Variants in DPH6 observed in about 807,000 individuals in gnomAD.
DPH6 encodes diphthine--ammonia ligase.
Under a neutral mutation model 38.2 loss-of-function variants are expected in DPH6, and 33 were observed. The ratio of observed to expected loss-of-function variants is 0.86; its 90% CI spans 0.65 to 1.15. DPH6 has a LOEUF of 1.15. DPH6 is among the 50% of genes most tolerant of loss of function. The pLI, the probability that DPH6 is intolerant of heterozygous loss-of-function variation, is 0.00. For missense variants in DPH6, 325 were observed against 320.0 expected (o/e 1.02, Z -0.12); for synonymous variants, 108 against 103.0 (o/e 1.05, Z -0.30).
intron 3 of DPH6, among the ~76,000 whole-genome samples, chr15:35,311,199 C>T (rs2052139230): frequency 6.6e-6 from 1 of 152,038 alleles, no homozygotes; most frequent in Non-Finnish European, 1.5e-5. Context: ...ATACGTAGTA[C>T]TCAATAAACA....
chr15:35,339,293 T>G (rs2052402039), intron 3 of DPH6, among the ~76,000 whole-genome samples: 1 of 151,296 alleles, frequency 6.6e-6, no homozygotes, highest in South Asian at 2.1e-4. Flanking sequence ...TCAAAGAACT[T>G]CTTCATTTCT....
chr15:35,524,932 A>T (rs1483436976), intron 3 of DPH6, among the ~76,000 whole-genome samples: 1 of 152,158 alleles, frequency 6.6e-6, no homozygotes, highest in Non-Finnish European at 1.5e-5. Context: ...TCTCCCTTGG[A>T]TTACCATAAA....
the DPH6 span, among the ~76,000 whole-genome samples, chr15:35,182,063 T>G: frequency 9.2e-5 from 14 of 152,116 alleles, no homozygotes; most frequent in African/African-American, 3.1e-4. Flanking sequence ...TGTATTGGTT[T>G]TGTAGGTTTG....
intron 6 of DPH6, among the ~76,000 whole-genome samples, chr15:35,408,561 C>T (rs748658046): frequency 1.3e-5 from 2 of 151,836 alleles, no homozygotes; most frequent in Non-Finnish European, 2.9e-5. Flanking sequence ...GTCAAGTGAG[C>T]AACTGAGATT....
chr15:35,387,906 T>A (rs989685153), intron 6 of DPH6, among the ~76,000 whole-genome samples: 3 of 152,180 alleles, frequency 2.0e-5, no homozygotes, highest in African/African-American at 7.2e-5. Context: ...AGAGAGGGCA[T>A]CCCTGTCTTG....
intron 3 of DPH6, among the ~76,000 whole-genome samples, chr15:35,319,399 C>A (rs1173422915): frequency 6.6e-6 from 1 of 151,910 alleles, no homozygotes; most frequent in Non-Finnish European, 1.5e-5. Flanking sequence ...TATGTCTCAT[C>A]CCTTTCCAAA....
At chr15:35,480,590 T>C (rs1197298840) in intron 3 of DPH6, among the ~76,000 whole-genome samples, 10 of 152,066 alleles carry the variant, frequency 6.6e-5, no homozygotes, top group African/African-American at 2.4e-4. Context: ...TTTTTATCCA[T>C]GAATAAAATG....
At chr15:35,407,864 C>G (rs1206888347) in intron 6 of DPH6, among the ~76,000 whole-genome samples, 1 of 151,978 alleles carries the variant, frequency 6.6e-6, no homozygotes, top group African/African-American at 2.4e-5. Flanking sequence ...CAGGGTCTCA[C>G]AAGTTGTGAC....
intron 6 of DPH6, among the ~76,000 whole-genome samples, chr15:35,387,759 T>A (rs2056115772): frequency 6.6e-6 from 1 of 152,178 alleles, no homozygotes; most frequent in African/African-American, 2.4e-5. Context: ...CGATGGGGTT[T>A]TCTAGATATA....
intron 3 of DPH6, among the ~76,000 whole-genome samples, chr15:35,264,793 A>G (rs72708909): frequency 0.038 from 5,825 of 152,300 alleles, 335 homozygotes; most frequent in African/African-American, 0.13. Flanking sequence ...TATGACATAG[A>G]ACTATAATTG....
intron 3 of DPH6, chr15:35,237,070 C>A (rs938100022): frequency 2.6e-5 from 13 of 499,126 alleles, no homozygotes; most frequent in African/African-American, 2.5e-4. Context: ...AATGCATGCA[C>A]ATAGGCATTG....
chr15:35,176,955 C>T, the DPH6 span, among the ~76,000 whole-genome samples: 10 of 152,266 alleles, frequency 6.6e-5, no homozygotes, highest in East Asian at 1.9e-4. Context: ...TAGCAGCGTA[C>T]GGCATCTGAT....
At chr15:35,159,762 A>G in the DPH6 span, among the ~76,000 whole-genome samples, 4 of 152,004 alleles carry the variant, frequency 2.6e-5, no homozygotes, top group Non-Finnish European at 5.9e-5. Flanking sequence ...CTGTATGCTC[A>G]TCCAGCACTA....
At chr15:35,226,481 A>G (rs2051482685) in intron 3 of DPH6, among the ~76,000 whole-genome samples, 1 of 152,262 alleles carries the variant, frequency 6.6e-6, no homozygotes, top group South Asian at 2.1e-4. Flanking sequence ...AGTTGTATGG[A>G]AAGCCTTATT....
intron 3 of DPH6, among the ~76,000 whole-genome samples, chr15:35,261,144 T>C (rs954615202): frequency 3.3e-5 from 5 of 152,350 alleles, no homozygotes; most frequent in Admixed American, 3.3e-4. Flanking sequence ...CTTCGTTCTT[T>C]AATGAGATGC....
At chr15:35,493,342 C>T (rs751304628) in intron 3 of DPH6, among the ~76,000 whole-genome samples, 1 of 152,132 alleles carries the variant, frequency 6.6e-6, no homozygotes, top group Non-Finnish European at 1.5e-5. Flanking sequence ...CGTAGGCTAA[C>T]TACTGAGCTA....
At chr15:35,309,789 T>C (rs778036254) in intron 3 of DPH6, among the ~76,000 whole-genome samples, 29 of 152,178 alleles carry the variant, frequency 1.9e-4, no homozygotes, top group Non-Finnish European at 1.2e-4. Context: ...AAAAGACATA[T>C]TTTTTGGTAA....
At chr15:35,195,776 T>C in the DPH6 span, among the ~76,000 whole-genome samples, 1 of 152,162 alleles carries the variant, frequency 6.6e-6, no homozygotes, top group East Asian at 1.9e-4. Context: ...CCTGCTCTGC[T>C]CTGACTGGTT....
At chr15:35,404,284 G>GT (rs1034515484) in intron 6 of DPH6, among the ~76,000 whole-genome samples, 2 of 151,992 alleles carry the variant, frequency 1.3e-5, no homozygotes, top group East Asian at 1.9e-4. Context: ...CTATTTTTTA[G>GT]TTTTTTGAGG....
Sources: allele counts gnomAD v4.1 joint callset (sites outside exome capture counted in the v4.1 genomes callset), GRCh38; gene constraint gnomAD v4.1.1; transcripts MANE v1.5; gene names NCBI Gene and HGNC (gene_info 2026-07-23, HGNC 2026-07-21).